Variants in LSAMP observed in about 807,000 individuals in gnomAD.
LSAMP encodes limbic system associated membrane protein, also known as limbic system-associated membrane protein.
LSAMP carries 7 observed loss-of-function variants against 38.6 expected under a neutral mutation model. The observed-to-expected ratio is 0.18, with a 90% CI of 0.10 to 0.34. The LOEUF (loss-of-function observed/expected upper bound fraction) is 0.34, where lower values mean the gene tolerates loss of function less well. Among genes scored for constraint, LSAMP ranks in the 10% least tolerant of loss-of-function variants. The probability of loss-of-function intolerance (pLI) is 1.00; values close to 1 mark genes in which losing one functional copy is unlikely to be tolerated. For synonymous variants in LSAMP, 154 were observed against 166.8 expected (o/e 0.92, Z 0.59); for missense variants, 313 against 420.0 (o/e 0.75, Z 2.23).
At chr3:115,972,474 T>C (rs1439685849) in intron 3 of LSAMP, among the ~76,000 whole-genome samples, 1 of 151,796 alleles carries the variant, frequency 6.6e-6, no homozygotes. Flanking sequence ...ACGTTTAAAA[T>C]ATTTAAAATT....
chr3:116,395,859 A>G (rs922099331), intron 1 of LSAMP, among the ~76,000 whole-genome samples: 4 of 152,228 alleles, frequency 2.6e-5, no homozygotes, highest in Non-Finnish European at 5.9e-5. Flanking sequence ...TGCCTAGAGC[A>G]AAAAGATATA....
chr3:115,959,354 C>G (rs1938554566), intron 3 of LSAMP, among the ~76,000 whole-genome samples: 1 of 152,016 alleles, frequency 6.6e-6, no homozygotes, highest in East Asian at 1.9e-4. Flanking sequence ...ATTGGTGGAT[C>G]CACCAAGAAG....
intron 1 of LSAMP, among the ~76,000 whole-genome samples, chr3:116,301,582 G>T (rs900261726): frequency 1.3e-5 from 2 of 152,044 alleles, no homozygotes; most frequent in African/African-American, 4.8e-5. Context: ...CACCCTGAAG[G>T]GAGTAGGAGA....
At chr3:116,377,672 T>A (rs2048511077) in intron 1 of LSAMP, among the ~76,000 whole-genome samples, 1 of 152,004 alleles carries the variant, frequency 6.6e-6, no homozygotes, top group African/African-American at 2.4e-5. Context: ...GTCAATGGCA[T>A]ACAATTTCTT....
intron 3 of LSAMP, among the ~76,000 whole-genome samples, chr3:115,858,564 A>T (rs545591941): frequency 6.6e-6 from 1 of 152,318 alleles, no homozygotes; most frequent in South Asian, 2.1e-4. Flanking sequence ...TCTTTCACAG[A>T]TAGGAAGATG....
At chr3:116,160,322 C>T (rs1210628713) in intron 1 of LSAMP, among the ~76,000 whole-genome samples, 1 of 150,690 alleles carries the variant, frequency 6.6e-6, no homozygotes, top group Non-Finnish European at 1.5e-5. Flanking sequence ...TTGCTTGAAC[C>T]CGGGAGGCGG....
intron 1 of LSAMP, among the ~76,000 whole-genome samples, chr3:116,115,123 A>T (rs1243421280): frequency 6.6e-6 from 1 of 152,256 alleles, no homozygotes; most frequent in East Asian, 1.9e-4. Context: ...AAAACTAAAT[A>T]TGGCTTACAT....
At chr3:115,824,661 C>T (rs910877871) in intron 6 of LSAMP, among the ~76,000 whole-genome samples, 2 of 150,318 alleles carry the variant, frequency 1.3e-5, no homozygotes, top group African/African-American at 2.5e-5. Context: ...GAGATTGCAC[C>T]GTTGAGTCAT....
chr3:116,083,194 G>A (rs1707909888), intron 2 of LSAMP, among the ~76,000 whole-genome samples: 1 of 152,158 alleles, frequency 6.6e-6, no homozygotes, highest in African/African-American at 2.4e-5. Flanking sequence ...ATTCTGGGTA[G>A]CACCTTAGGA....
chr3:116,040,888 T>G lies in LSAMP; in HGVS notation c.389-21248A>C, dbSNP rs78628914. 9.1e-3 allele frequency among the ~76,000 whole-genome samples: 1,389 copies of G among 152,282 alleles called. 20 individuals carry two copies. The highest frequency in any genetic ancestry group is 0.03 in the African/African-American group (1,241 of 41,550). On this transcript the variant is annotated intron_variant, in intron 2 of 6. Coordinates refer to ENST00000490035, the MANE Select transcript of LSAMP (RefSeq NM_002338.5). ...CTAGAACTACAGATACATGCCGCCA[T>G]GCCTGGCTAATTTGTTTTCTTAATT...
chr3:116,157,271 C>A (rs940694298), intron 1 of LSAMP, among the ~76,000 whole-genome samples: 4 of 151,874 alleles, frequency 2.6e-5, no homozygotes, highest in Non-Finnish European at 5.9e-5. Context: ...TTCTGTCTTT[C>A]TCCATAACTT....
At chr3:116,153,145 A>G (rs1312328693) in intron 1 of LSAMP, among the ~76,000 whole-genome samples, 1 of 152,116 alleles carries the variant, frequency 6.6e-6, no homozygotes, top group Admixed American at 6.6e-5. Context: ...AAAAAAGAAA[A>G]ACAACTGAAT....
intron 1 of LSAMP, among the ~76,000 whole-genome samples, chr3:116,285,924 G>A (rs1434681597): frequency 3.3e-5 from 5 of 152,200 alleles, no homozygotes; most frequent in Admixed American, 2.6e-4. Flanking sequence ...CATTGGGGAA[G>A]AGGCCTAGAA....
chr3:116,124,582 G>A (rs77141299), intron 1 of LSAMP, among the ~76,000 whole-genome samples: 3,270 of 152,280 alleles, frequency 0.021, 117 homozygotes, highest in African/African-American at 0.075. Flanking sequence ...CACCAACCAT[G>A]TTTTTAAAAG....
chr3:116,240,733 T>C (rs2046521534), intron 1 of LSAMP, among the ~76,000 whole-genome samples: 1 of 152,222 alleles, frequency 6.6e-6, no homozygotes, highest in African/African-American at 2.4e-5. Context: ...AAAAATATGT[T>C]TTTATGCACA....
chr3:115,871,657 G>C (rs1369625266), intron 3 of LSAMP, among the ~76,000 whole-genome samples: 1 of 151,736 alleles, frequency 6.6e-6, no homozygotes, highest in African/African-American at 2.4e-5. Context: ...GAGAGGCAGA[G>C]AGATAGAGGG....
rs112435204 is a variant in LSAMP at position 116,115,732 on chromosome 3, A to G, written c.156-29176T>C. On this transcript the variant is annotated intron_variant, in intron 1 of 6. Transcript: ENST00000490035. ...ACCCTAAATTAAAAAGCATTTTCCT[A>G]TAGAATTTTGAAGACATTTTCCCAT... Among the ~76,000 whole-genome samples, 1,351 of 147,660 alleles carry G rather than the reference A, an allele frequency of 9.1e-3. 23 individuals are homozygous for G. Among genetic ancestry groups the G allele is most frequent in the African/African-American group, 0.029 (1,214 of 41,250 alleles).
At chr3:115,985,905 T>G (rs564299602) in intron 3 of LSAMP, among the ~76,000 whole-genome samples, 2 of 152,324 alleles carry the variant, frequency 1.3e-5, no homozygotes, top group South Asian at 4.1e-4. Flanking sequence ...CTCCTGGCTT[T>G]CCAGCCCACA....
At chr3:116,214,869 T>A (rs1363959900) in intron 1 of LSAMP, among the ~76,000 whole-genome samples, 1 of 151,836 alleles carries the variant, frequency 6.6e-6, no homozygotes, top group Non-Finnish European at 1.5e-5. Flanking sequence ...CATCTCTAAG[T>A]GGTAAAGAGA....
Sources: allele counts gnomAD v4.1 joint callset (sites outside exome capture counted in the v4.1 genomes callset), GRCh38; gene constraint gnomAD v4.1.1; transcripts MANE v1.5; gene names NCBI Gene and HGNC (gene_info 2026-07-23, HGNC 2026-07-21).